The following SYT1 variants were observed in gnomAD, a reference collection of about 807,000 sequenced individuals.
The protein encoded by SYT1 is synaptotagmin 1.
Under a neutral mutation model 44.8 loss-of-function variants are expected in SYT1, and 8 were observed. That is an observed-to-expected ratio of 0.18 (90% CI 0.10 to 0.32). SYT1 has a LOEUF of 0.32. Ranked by LOEUF, SYT1 falls within the 10% of genes least tolerant of loss-of-function variation. The probability of loss-of-function intolerance (pLI) is 1.00; values close to 1 mark genes in which losing one functional copy is unlikely to be tolerated. For synonymous variants in SYT1, 154 were observed against 188.8 expected (o/e 0.82, Z 1.51); for missense variants, 286 against 509.3 (o/e 0.56, Z 4.22).
At chr12:79,014,885 A>C (rs2137591575) in intron 2 of SYT1, among the ~76,000 whole-genome samples, 1 of 152,220 alleles carries the variant, frequency 6.6e-6, no homozygotes, top group Non-Finnish European at 1.5e-5. Flanking sequence ...GCAGCCATAA[A>C]AAATGATGAG....
intron 2 of SYT1, among the ~76,000 whole-genome samples, chr12:79,040,577 T>G (rs1293666271): frequency 1.4e-4 from 21 of 152,110 alleles, no homozygotes; most frequent in African/African-American, 5.1e-4. Flanking sequence ...GTAGGTTGCC[T>G]GTTCACTCTG....
chr12:79,381,286 C>G (rs1042770999), intron 9 of SYT1, among the ~76,000 whole-genome samples: 3 of 152,216 alleles, frequency 2.0e-5, no homozygotes, highest in Admixed American at 6.5e-5. Flanking sequence ...AAAGGTAAAA[C>G]TGTACACCTA....
intron 8 of SYT1, among the ~76,000 whole-genome samples, chr12:79,323,550 T>A (rs2138986919): frequency 6.6e-6 from 1 of 152,326 alleles, no homozygotes; most frequent in East Asian, 1.9e-4. Flanking sequence ...AGATGTGAAA[T>A]CTTACATTAT....
In SYT1 at chr12:79,441,284, T is replaced by TA. The variant is rs1870398461; in HGVS notation, c.929-2789_929-2788insA. On this transcript the variant is annotated intron_variant, in intron 9 of 10. Coordinates refer to ENST00000261205, the MANE Select transcript of SYT1 (RefSeq NM_005639.3). Reference sequence around the variant, plus strand: ...CAAACCTGCTCCGCTTTCAGCCCTGTTTTGTTGTTGTTGTTGTTGTTGTTG... The same window carrying TA: ...CAAACCTGCTCCGCTTTCAGCCCTGTATTTGTTGTTGTTGTTGTTGTTGTTG... Among the ~76,000 whole-genome samples the TA allele has an allele frequency of 2.0e-5, 3 of 151,952 alleles. No homozygotes were observed. In the South Asian group the frequency reaches 6.2e-4, roughly 32 times the overall value.
At chr12:78,993,147 T>C (rs1371055059) in intron 2 of SYT1, among the ~76,000 whole-genome samples, 6 of 152,202 alleles carry the variant, frequency 3.9e-5, no homozygotes, top group South Asian at 4.1e-4. Context: ...ATCTGTTTTA[T>C]AAAACAGAAT....
intron 1 of SYT1, among the ~76,000 whole-genome samples, chr12:78,965,652 C>T (rs1262369367): frequency 6.6e-6 from 1 of 152,056 alleles, no homozygotes; most frequent in Non-Finnish European, 1.5e-5. Context: ...CAGCCACTTG[C>T]CAACAATCAC....
chr12:78,929,693 C>T (rs151334223), intron 1 of SYT1, among the ~76,000 whole-genome samples: 1 of 150,802 alleles, frequency 6.6e-6, no homozygotes, highest in African/African-American at 2.4e-5. Flanking sequence ...ACTTACTAGA[C>T]TTAATTTATT....
intron 6 of SYT1, among the ~76,000 whole-genome samples, chr12:79,293,522 TAC>T (rs1279183561): frequency 6.6e-6 from 1 of 152,124 alleles, no homozygotes; most frequent in African/African-American, 2.4e-5. Context: ...GTAAAATAAA[TAC>T]AGTTACTAGT....
At chr12:79,385,669 T>C (rs1276367289) in intron 9 of SYT1, among the ~76,000 whole-genome samples, 3 of 152,190 alleles carry the variant, frequency 2.0e-5, no homozygotes. Context: ...ATCAGTGTAT[T>C]AGGCCAGAGT....
At chr12:79,407,407 T>C (rs1191935334) in intron 9 of SYT1, among the ~76,000 whole-genome samples, 1 of 152,092 alleles carries the variant, frequency 6.6e-6, no homozygotes, top group African/African-American at 2.4e-5. Context: ...AGTACCACCA[T>C]GCCTTCGTCT....
intron 2 of SYT1, among the ~76,000 whole-genome samples, chr12:78,980,501 G>T (rs1869169360): frequency 6.6e-6 from 1 of 152,050 alleles, no homozygotes; most frequent in East Asian, 1.9e-4. Context: ...TTTTCAGCTA[G>T]TTTTGAAGAT....
chr12:79,345,633 C>T (rs1174531701), intron 8 of SYT1, among the ~76,000 whole-genome samples: 1 of 152,200 alleles, frequency 6.6e-6, no homozygotes, highest in African/African-American at 2.4e-5. Context: ...TACACAGCAA[C>T]ATTTCACACT....
intron 10 of SYT1, among the ~76,000 whole-genome samples, chr12:79,445,007 C>T (rs1870626507): frequency 2.0e-5 from 3 of 151,952 alleles, no homozygotes; most frequent in Non-Finnish European, 4.4e-5. Flanking sequence ...CTGCATAAAG[C>T]AACACTATTT....
intron 4 of SYT1, among the ~76,000 whole-genome samples, chr12:79,244,824 T>C (rs1447893531): frequency 3.3e-5 from 5 of 152,144 alleles, no homozygotes; most frequent in Admixed American, 3.3e-4. Flanking sequence ...GGATTCTAGT[T>C]TGACTTTTGA....
At chr12:79,342,450 C>T (rs898629520) in intron 8 of SYT1, among the ~76,000 whole-genome samples, 27 of 152,248 alleles carry the variant, frequency 1.8e-4, no homozygotes, top group Admixed American at 1.6e-3. Flanking sequence ...AGACTGGTCT[C>T]AAAATCCTGG....
chr12:79,261,322 TCTAC>T (rs2138729896), intron 4 of SYT1, among the ~76,000 whole-genome samples: 1 of 152,326 alleles, frequency 6.6e-6, no homozygotes, highest in Admixed American at 6.5e-5. Context: ...TTAAGAAATG[TCTAC>T]CTTCCTTCCT....
intron 9 of SYT1, among the ~76,000 whole-genome samples, chr12:79,397,931 TG>T (rs1884934200): frequency 1.3e-5 from 2 of 152,232 alleles, no homozygotes; most frequent in African/African-American, 4.8e-5. Flanking sequence ...CTGACATTTT[TG>T]TGTTTCTCAG....
chr12:79,435,372 T>A (rs919573351), intron 9 of SYT1, among the ~76,000 whole-genome samples: 3 of 152,234 alleles, frequency 2.0e-5, no homozygotes. Flanking sequence ...TCTTGCTATA[T>A]TGCCCAGGCA....
intron 1 of SYT1, chr12:78,964,015 T>C (rs1314485892): frequency 6.6e-6 from 1 of 152,348 alleles, no homozygotes; most frequent in Non-Finnish European, 1.5e-5. Flanking sequence ...GCTTCAGCTG[T>C]CCCCGGCACA....
Sources: gnomAD v4.1 joint callset for allele counts (sites outside exome capture counted in the v4.1 genomes callset) on GRCh38, gnomAD v4.1.1 for gene constraint, MANE v1.5 for transcripts, NCBI Gene and HGNC (gene_info 2026-07-23, HGNC 2026-07-21) for gene names.